INPP4B: variants seen among roughly 807,000 people sequenced by gnomAD.
The protein encoded by INPP4B is inositol polyphosphate 4-phosphatase type II.
INPP4B carries 55 observed loss-of-function variants against 122.5 expected under a neutral mutation model. The observed-to-expected ratio is 0.45, with a 90% CI of 0.36 to 0.56. The LOEUF (loss-of-function observed/expected upper bound fraction) is 0.56, where lower values mean the gene tolerates loss of function less well. Ranked by LOEUF, INPP4B falls within the 20% of genes least tolerant of loss-of-function variation. The pLI is 0.00. For synonymous variants in INPP4B, 403 were observed against 388.7 expected (o/e 1.04, Z -0.43); for missense variants, 1,000 against 1,097.7 (o/e 0.91, Z 1.26).
At chr4:142,783,392 C>G (rs1775207563) in intron 1 of INPP4B, among the ~76,000 whole-genome samples, 1 of 152,110 alleles carries the variant, frequency 6.6e-6, no homozygotes, top group East Asian at 1.9e-4. Context: ...GACATTTATG[C>G]AGCCAAAAAA....
chr4:142,838,333 G>A (rs1031130247), intron 1 of INPP4B, among the ~76,000 whole-genome samples: 6 of 148,694 alleles, frequency 4.0e-5, no homozygotes, highest in South Asian at 2.1e-4. Context: ...TGGAGACTTC[G>A]TACATTTATA....
chr4:142,397,778 G>C (rs1456905179), intron 7 of INPP4B, among the ~76,000 whole-genome samples: 2 of 151,986 alleles, frequency 1.3e-5, no homozygotes, highest in African/African-American at 4.8e-5. Context: ...GGTGGAGGTT[G>C]CAGTAAGCCA....
intron 2 of INPP4B, among the ~76,000 whole-genome samples, chr4:142,538,940 G>A (rs1391927481): frequency 6.6e-6 from 1 of 151,574 alleles, no homozygotes; most frequent in East Asian, 1.9e-4. Context: ...GGTGAGGCTG[G>A]AAATTTTATC....
At chr4:142,227,651 G>A (rs948969902) in intron 12 of INPP4B, among the ~76,000 whole-genome samples, 2 of 151,126 alleles carry the variant, frequency 1.3e-5, no homozygotes, top group Non-Finnish European at 3.0e-5. Context: ...ACTTGAGGTC[G>A]GGAGTTTGAG....
intron 5 of INPP4B, 36 bp from the exon 6 acceptor site, chr4:142,405,360 T>C: frequency 8.0e-7 from 1 of 1,244,630 alleles, no homozygotes; most frequent in Non-Finnish European, 1.2e-6. Context: ...GAAAAGAAAC[T>C]AACACCATAT....
chr4:142,758,860 C>T (rs1038258228), intron 1 of INPP4B, among the ~76,000 whole-genome samples: 12 of 150,790 alleles, frequency 8.0e-5, no homozygotes, highest in Non-Finnish European at 1.0e-4. Flanking sequence ...GGCTGCGGCA[C>T]GAGACTCGCT....
chr4:142,525,482 CA>C, intron 2 of INPP4B, among the ~76,000 whole-genome samples: 1 of 98,300 alleles, frequency 1.0e-5, no homozygotes, highest in Non-Finnish European at 2.5e-5. Flanking sequence ...TACCTGACTT[CA>C]AACTATACTA....
chr4:142,499,863 T>TA (rs1823137488), intron 2 of INPP4B, among the ~76,000 whole-genome samples: 1 of 152,180 alleles, frequency 6.6e-6, no homozygotes, highest in South Asian at 2.1e-4. Context: ...TCCCTACCTT[T>TA]ACTTCTTTGT....
intron 2 of INPP4B, among the ~76,000 whole-genome samples, chr4:142,525,810 A>G (rs1228722110): frequency 6.7e-6 from 1 of 148,314 alleles, no homozygotes; most frequent in Admixed American, 6.8e-5. Flanking sequence ...AGGCAATACC[A>G]TTCAGGACAT....
chr4:142,294,548 C>A (rs1390244001), intron 9 of INPP4B, among the ~76,000 whole-genome samples: 1 of 151,888 alleles, frequency 6.6e-6, no homozygotes, highest in African/African-American at 2.4e-5. Flanking sequence ...TGGACACGCA[C>A]GGGGAGCAAT....
intron 1 of INPP4B, among the ~76,000 whole-genome samples, chr4:142,768,486 C>G (rs532747703): frequency 1.3e-5 from 2 of 152,280 alleles, no homozygotes; most frequent in South Asian, 4.1e-4. Context: ...TCTTAGCAGT[C>G]ACATAGGAGT....
At chr4:142,344,682 A>C (rs1779758211) in intron 7 of INPP4B, among the ~76,000 whole-genome samples, 1 of 152,020 alleles carries the variant, frequency 6.6e-6, no homozygotes, top group Non-Finnish European at 1.5e-5. Flanking sequence ...ACACATGGGC[A>C]AATAGAGGAG....
At chr4:142,621,999 T>C (rs1745048509) in intron 2 of INPP4B, among the ~76,000 whole-genome samples, 1 of 151,922 alleles carries the variant, frequency 6.6e-6, no homozygotes, top group Non-Finnish European at 1.5e-5. Flanking sequence ...ATACAGTAAG[T>C]AAATTGAAAA....
chr4:142,824,320 C>CTATCTATCTATCTA (rs144312014), intron 1 of INPP4B, among the ~76,000 whole-genome samples: 4 of 123,426 alleles, frequency 3.2e-5, no homozygotes, highest in African/African-American at 1.5e-4. Context: ...ATCTATCTAT[C>CTATCTATCTATCTA]TCTATCTCTA....
chr4:142,773,078 A>G (rs1022031574), intron 1 of INPP4B, among the ~76,000 whole-genome samples: 1 of 152,114 alleles, frequency 6.6e-6, no homozygotes. Context: ...ATAAATAAAG[A>G]CACAATCTAA....
intron 7 of INPP4B, among the ~76,000 whole-genome samples, chr4:142,392,861 C>T (rs1033282698): frequency 2.6e-5 from 4 of 152,134 alleles, no homozygotes; most frequent in African/African-American, 9.7e-5. Context: ...AACAAAAAGA[C>T]CACTTAATTA....
At chr4:142,660,307 T>C (rs538747306) in intron 2 of INPP4B, among the ~76,000 whole-genome samples, 2 of 152,166 alleles carry the variant, frequency 1.3e-5, no homozygotes, top group African/African-American at 4.8e-5. Flanking sequence ...CTCCCTCACT[T>C]ACCCCTGGGT....
rs769178648 is a variant in INPP4B at position 142,124,759 on chromosome 4, C to T, written c.1722G>A (p.Glu574=). The T allele has an allele frequency of 8.4e-6, 13 of 1,539,718 alleles. No homozygotes were observed. In the South Asian group the frequency reaches 1.5e-4, roughly 17 times the overall value. The change falls in exon 19 of 26, where the codon GAG becomes GAA. Residue 574 remains glutamate, a splice_region_variant and synonymous_variant. Transcript: ENST00000262992. ...GGGGATACAACTGTTCATACCAGTC[C>T]TCTGGGGGAAGGGGGTGTAAGAACA... ...LTDAIPSHPR[E]DWYEQLYPLI...
At chr4:142,677,917 C>A (rs1412170681) in intron 2 of INPP4B, among the ~76,000 whole-genome samples, 2 of 145,016 alleles carry the variant, frequency 1.4e-5, no homozygotes, top group Non-Finnish European at 3.1e-5. Context: ...TGCAGCAAAC[C>A]ACTATGGCAC....
Sources: allele counts gnomAD v4.1 joint callset (sites outside exome capture counted in the v4.1 genomes callset), GRCh38; gene constraint gnomAD v4.1.1; transcripts MANE v1.5; gene names NCBI Gene and HGNC (gene_info 2026-07-23, HGNC 2026-07-21).